The following TLN2 variants were observed in gnomAD, a reference collection of about 807,000 sequenced individuals.
The protein encoded by TLN2 is talin-2.
Under a neutral mutation model 294.7 loss-of-function variants are expected in TLN2, and 118 were observed. The ratio of observed to expected loss-of-function variants is 0.40; its 90% confidence interval spans 0.34 to 0.47. The LOEUF is 0.47. Ranked by LOEUF, TLN2 falls within the 20% of genes least tolerant of loss-of-function variation. The pLI, the probability that TLN2 is intolerant of heterozygous loss-of-function variation, is 0.84. For missense variants in TLN2, 3,083 were observed against 3,282.2 expected (o/e 0.94, Z 1.48); for synonymous variants, 1,431 against 1,304.5 (o/e 1.10, Z -2.09).
rs568622535 is a variant in TLN2, at chr15:62,811,529, C to T, written c.6771+1497C>T. On this transcript the variant is annotated intron_variant, in intron 52 of 58. Transcript: ENST00000636159. Reference sequence around the variant, plus strand: ...AACCTTGTTATAACTAAAAATTGGACAATAGGGTGCAATCAGTAGATTTAG... The same window carrying T: ...AACCTTGTTATAACTAAAAATTGGATAATAGGGTGCAATCAGTAGATTTAG... Among the ~76,000 whole-genome samples, 64 of 152,252 alleles carry T rather than the reference C, an allele frequency of 4.2e-4. 1 individual carries two copies. The highest frequency in any genetic ancestry group is 1.5e-3 in the African/African-American group (63 of 41,548).
chr15:62,450,511 GTGTATGTA>G (rs1219079553), intron 1 of TLN2, among the ~76,000 whole-genome samples: 18 of 145,518 alleles, frequency 1.2e-4, no homozygotes, highest in Admixed American at 1.0e-3. Context: ...GGCCCCCATC[GTGTATGTA>G]TGTATGTATG....
rs200031936 is a variant in TLN2, at chr15:62,561,665, C to CT, written c.-237-28013dup. ...AGTTGAGGAAAGTCTGTCTCTCTCT[C>CT]TTTTTTTTTCCGCAAAAGGTGTATC... On this transcript the variant is annotated intron_variant, in intron 1 of 58. Coordinates refer to ENST00000636159, the MANE Select transcript of TLN2 (RefSeq NM_015059.3). Among the ~76,000 whole-genome samples the CT allele has an allele frequency of 5.0e-4, 76 of 151,490 alleles. No homozygotes were observed. In the East Asian group the frequency reaches 0.01, roughly 21 times the overall value.
rs1018964480 is a variant in TLN2 at position 62,540,891 on chromosome 15, G to A, written c.-237-48796G>A. On this transcript the variant is annotated intron_variant, in intron 1 of 58. Transcript: ENST00000636159. Reference sequence around the variant, plus strand: ...GCTCATATGTCCCTAATGCTTCATCGGGGCACATTGGGATCTGGAGGTATT... The same window carrying A: ...GCTCATATGTCCCTAATGCTTCATCAGGGCACATTGGGATCTGGAGGTATT... Among the ~76,000 whole-genome samples, 21 of 152,186 alleles carry A rather than the reference G, an allele frequency of 1.4e-4. No homozygotes were observed. The South Asian group carries it at 2.3e-3, about 17-fold the overall frequency.
chr15:62,681,556 T>C (rs578253462), intron 11 of TLN2, among the ~76,000 whole-genome samples: 2 of 152,288 alleles, frequency 1.3e-5, no homozygotes, highest in South Asian at 2.1e-4. Flanking sequence ...TAGAGCGTGC[T>C]TGCATGTTGG....
At chr15:62,418,563 A>C (rs1247303277) in intron 1 of TLN2, among the ~76,000 whole-genome samples, 2 of 152,232 alleles carry the variant, frequency 1.3e-5, no homozygotes, top group Non-Finnish European at 1.5e-5. Context: ...ACGTGTCCGT[A>C]TGAAGAGAAC....
At chr15:62,393,566 A>T (rs1345476672) in intron 1 of TLN2, among the ~76,000 whole-genome samples, 1 of 152,210 alleles carries the variant, frequency 6.6e-6, no homozygotes, top group Non-Finnish European at 1.5e-5. Context: ...TAGAGCAGTA[A>T]AGGACGATTA....
chr15:62,653,434 T>A (rs2052828872), intron 7 of TLN2, 120 bp downstream of exon 7: 36 of 1,260,408 alleles, frequency 2.9e-5, no homozygotes, highest in Non-Finnish European at 3.6e-5. Flanking sequence ...AACTCTATTT[T>A]AAAAAAGTAG....
chr15:62,704,227 T>C (rs1192252912), intron 19 of TLN2, among the ~76,000 whole-genome samples: 1 of 152,108 alleles, frequency 6.6e-6, no homozygotes, highest in Non-Finnish European at 1.5e-5. Flanking sequence ...ACCACAAATA[T>C]CACCAAATCT....
At chr15:62,412,419 A>T (rs114192971) in intron 1 of TLN2, among the ~76,000 whole-genome samples, 1 of 152,346 alleles carries the variant, frequency 6.6e-6, no homozygotes, top group African/African-American at 2.4e-5. Flanking sequence ...GTGGTCTTTC[A>T]TCATCTCTGA....
chr15:62,730,337 G>C (rs979602005), intron 28 of TLN2, among the ~76,000 whole-genome samples: 1 of 152,142 alleles, frequency 6.6e-6, no homozygotes, highest in African/African-American at 2.4e-5. Flanking sequence ...ACCGCACCCA[G>C]CCTTATGTTT....
At chr15:62,623,340 A>G (rs902699828) in intron 3 of TLN2, among the ~76,000 whole-genome samples, 17 of 152,184 alleles carry the variant, frequency 1.1e-4, no homozygotes, top group Admixed American at 2.0e-4. Context: ...CATTTGTTCT[A>G]TTTTCGCTGA....
intron 1 of TLN2, among the ~76,000 whole-genome samples, chr15:62,418,277 C>T (rs973097220): frequency 6.6e-5 from 10 of 152,132 alleles, no homozygotes; most frequent in African/African-American, 2.4e-4. Flanking sequence ...TGGTACACTC[C>T]CACTCATCCT....
chr15:62,511,969 G>A (rs775984671), intron 1 of TLN2, among the ~76,000 whole-genome samples: 9 of 152,074 alleles, frequency 5.9e-5, no homozygotes, highest in Non-Finnish European at 1.2e-4. Flanking sequence ...CTCCCTTGCC[G>A]TGCCCTGGTG....
chr15:62,720,336 G>T (rs961963131), intron 25 of TLN2, among the ~76,000 whole-genome samples: 1 of 152,142 alleles, frequency 6.6e-6, no homozygotes, highest in African/African-American at 2.4e-5. Context: ...AGTCTCTGTG[G>T]GGTGAAGGGT....
At chr15:62,539,732 T>C (rs1473510664) in intron 1 of TLN2, among the ~76,000 whole-genome samples, 4 of 152,088 alleles carry the variant, frequency 2.6e-5, no homozygotes, top group Admixed American at 1.3e-4. Context: ...CATGAAGCAC[T>C]CATTGGGAGA....
intron 1 of TLN2, among the ~76,000 whole-genome samples, chr15:62,428,780 C>T (rs940326027): frequency 2.0e-5 from 3 of 152,160 alleles, no homozygotes; most frequent in Admixed American, 6.5e-5. Context: ...TGTCATACGT[C>T]GTGTGTTAAA....
chr15:62,833,867 G>C (rs1199251086), intron 55 of TLN2: 1 of 451,542 alleles, frequency 2.2e-6, no homozygotes, highest in Non-Finnish European at 3.8e-6. Context: ...CCCATTCCAG[G>C]CAGTGACTGG....
chr15:62,497,884 C>T (rs772175890), intron 1 of TLN2, among the ~76,000 whole-genome samples: 3 of 151,878 alleles, frequency 2.0e-5, no homozygotes, highest in Admixed American at 1.3e-4. Context: ...GCTGACCAAG[C>T]GTGGACAGTT....
Position 62,441,654 on chromosome 15 carries a change from T to C in TLN2, c.-238+50969T>C, listed in dbSNP as rs77836982. Reference sequence around the variant, plus strand: ...TTTTTACACCATCTACCTGGAGATATAGGGTCAGATCCCATAGGTTGAGGG... The same window carrying C: ...TTTTTACACCATCTACCTGGAGATACAGGGTCAGATCCCATAGGTTGAGGG... On this transcript the variant is annotated intron_variant, in intron 1 of 58. Coordinates refer to ENST00000636159, the MANE Select transcript of TLN2 (RefSeq NM_015059.3). Among the ~76,000 whole-genome samples the C allele has an allele frequency of 6.5e-3, 992 of 152,312 alleles. 12 individuals are homozygous for C. Among genetic ancestry groups the C allele is most frequent in the African/African-American group, 0.023 (949 of 41,562 alleles).
Sources: gnomAD v4.1 joint callset for allele counts (sites outside exome capture counted in the v4.1 genomes callset) on GRCh38, gnomAD v4.1.1 for gene constraint, MANE v1.5 for transcripts, NCBI Gene and HGNC (gene_info 2026-07-23, HGNC 2026-07-21) for gene names.